Variants in NAV2 observed in about 807,000 individuals in gnomAD.
The protein encoded by NAV2 is neuron navigator 2, also known as helicase, APC down-regulated 1.
Under a neutral mutation model 223.2 loss-of-function variants are expected in NAV2, and 54 were observed. The observed-to-expected ratio is 0.24, with a 90% CI of 0.19 to 0.30. The LOEUF is 0.30. Among genes scored for constraint, NAV2 ranks in the 10% least tolerant of loss-of-function variants. NAV2 has a pLI of 1.00. For synonymous variants in NAV2, 1,279 were observed against 1,239.3 expected (o/e 1.03, Z -0.67); for missense variants, 2,806 against 3,147.5 (o/e 0.89, Z 2.60).
chr11:19,634,753 G>C (rs989177963), intron 1 of NAV2, among the ~76,000 whole-genome samples: 1 of 152,190 alleles, frequency 6.6e-6, no homozygotes, highest in Non-Finnish European at 1.5e-5. Flanking sequence ...TGGTAGAAGA[G>C]AAGGACAGAA....
At chr11:20,085,115 G>A (rs1272991311) in intron 26 of NAV2, among the ~76,000 whole-genome samples, 1 of 151,528 alleles carries the variant, frequency 6.6e-6, no homozygotes, top group Non-Finnish European at 1.5e-5. Context: ...GGTCACTTGA[G>A]CCCAGGAATT....
intron 20 of NAV2, among the ~76,000 whole-genome samples, chr11:20,063,640 G>T (rs1444292444): frequency 6.6e-6 from 1 of 152,088 alleles, no homozygotes; most frequent in Non-Finnish European, 1.5e-5. Context: ...CTCCCGAAGT[G>T]TTGGGATTAC....
At chr11:19,956,932 C>T (rs139685770) in intron 10 of NAV2, among the ~76,000 whole-genome samples, 100 of 152,286 alleles carry the variant, frequency 6.6e-4, no homozygotes, top group African/African-American at 2.2e-3. Flanking sequence ...CCAAGAGTCA[C>T]CTCAGTAGCA....
intron 1 of NAV2, among the ~76,000 whole-genome samples, chr11:19,442,083 A>G (rs1228152111): frequency 6.6e-6 from 1 of 152,166 alleles, no homozygotes; most frequent in Non-Finnish European, 1.5e-5. Flanking sequence ...CAGGCCTGCC[A>G]TTTCCTGGTC....
Position 19,832,475 on chromosome 11 carries a change from T to C in NAV2, c.268-9T>C. The stretch of plus-strand genomic sequence containing the variant: ...GCTTCCTAAAGTTGCCTGTTTGCTT[T>C]TTTTACAGATCTACACAGACTGGGC... On this transcript the variant is annotated splice_polypyrimidine_tract_variant and intron_variant, in intron 1 of 37. Transcript: ENST00000349880. 1.9e-6 allele frequency: 3 copies of C among 1,576,734 alleles called. No individual in the cohort carries two copies. Among genetic ancestry groups the C allele is most frequent in the Non-Finnish European group, 2.6e-6 (3 of 1,162,944 alleles).
intron 1 of NAV2, among the ~76,000 whole-genome samples, chr11:19,727,965 T>TTAACC (rs1454733536): frequency 6.6e-6 from 1 of 152,154 alleles, no homozygotes; most frequent in Non-Finnish European, 1.5e-5. Context: ...TTTGTCTCAT[T>TTAACC]TAACCCCATT....
intron 1 of NAV2, among the ~76,000 whole-genome samples, chr11:19,458,928 T>C (rs1852054657): frequency 6.6e-6 from 1 of 152,224 alleles, no homozygotes; most frequent in African/African-American, 2.4e-5. Flanking sequence ...TGCAGGCCAC[T>C]GTTGCAGAGA....
At chr11:20,089,744 T>G (rs1592092595) in intron 26 of NAV2, among the ~76,000 whole-genome samples, 1 of 152,184 alleles carries the variant, frequency 6.6e-6, no homozygotes, top group Non-Finnish European at 1.5e-5. Context: ...GAGAACTATC[T>G]TTCCTAACAT....
intron 1 of NAV2, among the ~76,000 whole-genome samples, chr11:19,411,111 A>G (rs1412726347): frequency 6.6e-6 from 1 of 152,062 alleles, no homozygotes; most frequent in Non-Finnish European, 1.5e-5. Flanking sequence ...TTTTAAACCC[A>G]GGTTGCTTGA....
intron 1 of NAV2, among the ~76,000 whole-genome samples, chr11:19,359,461 G>A (rs1853807634): frequency 6.6e-6 from 1 of 152,172 alleles, no homozygotes; most frequent in South Asian, 2.1e-4. Flanking sequence ...AAGAACTGTG[G>A]CTCAGATGTA....
intron 1 of NAV2, among the ~76,000 whole-genome samples, chr11:19,389,146 A>G (rs1305508583): frequency 6.6e-6 from 1 of 152,032 alleles, no homozygotes; most frequent in Non-Finnish European, 1.5e-5. Context: ...AAACTCATAA[A>G]CTTGTCTCTC....
At chr11:19,647,672 T>A (rs1168920476) in intron 1 of NAV2, among the ~76,000 whole-genome samples, 1 of 152,110 alleles carries the variant, frequency 6.6e-6, no homozygotes, top group Non-Finnish European at 1.5e-5. Flanking sequence ...CTGTAGCCAG[T>A]CACCTTTAGG....
chr11:20,004,675 G>A (rs147666886), intron 11 of NAV2, among the ~76,000 whole-genome samples: 4 of 152,312 alleles, frequency 2.6e-5, no homozygotes, highest in African/African-American at 9.6e-5. Context: ...AAAGAAGATA[G>A]CACCTAAATC....
chr11:19,820,465 G>A (rs2059310936), intron 1 of NAV2, among the ~76,000 whole-genome samples: 1 of 152,218 alleles, frequency 6.6e-6, no homozygotes, highest in Non-Finnish European at 1.5e-5. Context: ...GAGAGAGTGG[G>A]AGGAAGTGCT....
In NAV2 at chr11:20,118,555, C is replaced by T. The variant is rs942339765; in HGVS notation, c.*297C>T. On this transcript the variant is annotated 3_prime_UTR_variant, in exon 38 of 38. Coordinates refer to ENST00000349880, the MANE Select transcript of NAV2 (RefSeq NM_145117.5). The stretch of plus-strand genomic sequence containing the variant: ...CTGAAGATACTTCTCGGGAAAGGAT[C>T]ATCGCCGTTGAAATGAAAAGAGAGA... 8.8e-6 allele frequency: 2 copies of T among 226,428 alleles called. No individual in the cohort carries two copies. Among genetic ancestry groups the T allele is most frequent in the Non-Finnish European group, 1.7e-5 (2 of 117,692 alleles). 14.0% of individuals were successfully genotyped at this position (226,428 alleles called of 1,614,324 possible).
At chr11:19,833,345 T>A (rs1275911364) in intron 2 of NAV2, among the ~76,000 whole-genome samples, 3 of 152,204 alleles carry the variant, frequency 2.0e-5, no homozygotes, top group Non-Finnish European at 2.9e-5. Context: ...CTCTCTGGCA[T>A]GTTGTTGTGG....
chr11:19,637,280 A>G (rs1396308706), intron 1 of NAV2, among the ~76,000 whole-genome samples: 1 of 152,122 alleles, frequency 6.6e-6, no homozygotes, highest in Admixed American at 6.5e-5. Context: ...CACATGGAGG[A>G]CCACAAACTT....
chr11:19,806,607 C>T (rs542209596), intron 1 of NAV2, among the ~76,000 whole-genome samples: 7 of 152,188 alleles, frequency 4.6e-5, no homozygotes, highest in Admixed American at 1.3e-4. Context: ...TTGGCCAGAT[C>T]GTGTCTCTGA....
At chr11:20,051,020 G>A (rs938850660) in intron 16 of NAV2, among the ~76,000 whole-genome samples, 1 of 152,232 alleles carries the variant, frequency 6.6e-6, no homozygotes, top group African/African-American at 2.4e-5. Context: ...TGAATCTGTG[G>A]AAAACGAGGA....
Sources: gnomAD v4.1 joint callset for allele counts (sites outside exome capture counted in the v4.1 genomes callset) on GRCh38, gnomAD v4.1.1 for gene constraint, MANE v1.5 for transcripts, NCBI Gene and HGNC (gene_info 2026-07-23, HGNC 2026-07-21) for gene names.